TCF20: variants seen among roughly 807,000 people sequenced by gnomAD.
The protein encoded by TCF20 is SPRE-binding protein.
TCF20 carries 3 observed loss-of-function variants against 148.6 expected under a neutral mutation model. The observed-to-expected ratio is 0.02, with a 90% CI of 0.01 to 0.05. The LOEUF (loss-of-function observed/expected upper bound fraction) is 0.05. Among genes scored for constraint, TCF20 ranks in the 10% least tolerant of loss-of-function variants. The pLI is 1.00. For missense variants in TCF20, 2,350 were observed against 2,429.3 expected, an observed-to-expected ratio of 0.97 and a Z score of 0.69; for synonymous variants, 1,049 against 909.5, an observed-to-expected ratio of 1.15 and a Z score of -2.76.
intron 1 of TCF20, among the ~76,000 whole-genome samples, chr22:42,294,552 C>A (rs1927196358): frequency 6.6e-6 from 1 of 152,128 alleles, no homozygotes; most frequent in Non-Finnish European, 1.5e-5. Flanking sequence ...CGGGAGAGGG[C>A]AGGGCCAGGC....
intron 1 of TCF20, among the ~76,000 whole-genome samples, chr22:42,244,048 A>G (rs2041710740): frequency 6.6e-6 from 1 of 152,156 alleles, no homozygotes; most frequent in South Asian, 2.1e-4. Context: ...CTATAAAAAT[A>G]CAAAAATTAG....
chr22:42,163,773 G>A (rs895428499), intron 5 of TCF20, among the ~76,000 whole-genome samples: 7 of 152,180 alleles, frequency 4.6e-5, no homozygotes, highest in Non-Finnish European at 7.3e-5. Flanking sequence ...GCGACCTGCC[G>A]CCCCTGTGCT....
At chr22:42,219,387 T>G (rs1180142854) in intron 1 of TCF20, among the ~76,000 whole-genome samples, 1 of 67,412 alleles carries the variant, frequency 1.5e-5, no homozygotes, top group South Asian at 4.9e-4. Flanking sequence ...AAAAAGCTAA[T>G]AGAGATAATT....
chr22:42,301,191 G>A (rs941963548), intron 1 of TCF20, among the ~76,000 whole-genome samples: 1 of 152,204 alleles, frequency 6.6e-6, no homozygotes, highest in African/African-American at 2.4e-5. Flanking sequence ...CGGGCACTAG[G>A]GAGCCGTTGG....
intron 1 of TCF20, among the ~76,000 whole-genome samples, chr22:42,303,116 G>A (rs529629517): frequency 1.4e-4 from 22 of 152,312 alleles, no homozygotes; most frequent in Admixed American, 5.9e-4. Context: ...TTTTAGTAGC[G>A]ACGGGGTTTC....
intron 1 of TCF20, among the ~76,000 whole-genome samples, chr22:42,283,296 G>A (rs1030566812): frequency 1.1e-4 from 17 of 152,318 alleles, no homozygotes; most frequent in Non-Finnish European, 1.6e-4. Context: ...AATAGTGGAG[G>A]GGGGGAGAGG....
intron 1 of TCF20, among the ~76,000 whole-genome samples, chr22:42,335,916 G>A (rs1398498929): frequency 6.6e-6 from 1 of 152,160 alleles, no homozygotes; most frequent in Admixed American, 6.5e-5. Flanking sequence ...CACCTGTGGT[G>A]GGCAACCAAA....
rs1920969467 is a variant in TCF20, at chr22:42,211,632, T to C, written c.3674A>G (p.Glu1225Gly). ...ACCAGGTTTGGATGACTGTGTAGCC[T>C]CAGCTAGTCCATGTCCATCAGTCTC... ...PHETDGHGLAEATQSSKPGSV... is the reference protein window; with the variant it reads ...PHETDGHGLAGATQSSKPGSV... Residue 1225 changes from glutamate to glycine, a missense_variant, in exon 2 of 6, where the codon GAG becomes GGG. Coordinates refer to ENST00000677622, the MANE Select transcript of TCF20 (RefSeq NM_001378418.1). 1.2e-5 allele frequency: 19 copies of C among 1,614,106 alleles called. No individual in the cohort carries two copies. Among genetic ancestry groups the C allele is most frequent in the Non-Finnish European group, 1.5e-5 (18 of 1,180,042 alleles).
intron 1 of TCF20, among the ~76,000 whole-genome samples, chr22:42,302,843 G>A (rs1037679068): frequency 6.6e-5 from 10 of 152,318 alleles, no homozygotes; most frequent in South Asian, 6.2e-4. Context: ...CTGGGACCCC[G>A]TCAGGTTCAA....
intron 1 of TCF20, among the ~76,000 whole-genome samples, chr22:42,342,236 G>A (rs991552254): frequency 6.6e-6 from 1 of 152,166 alleles, no homozygotes; most frequent in Admixed American, 6.5e-5. Flanking sequence ...GACAGTCATG[G>A]ATGGGGAGGA....
intron 1 of TCF20, among the ~76,000 whole-genome samples, chr22:42,329,122 G>A (rs979903256): frequency 5.3e-5 from 8 of 152,234 alleles, no homozygotes; most frequent in Admixed American, 1.3e-4. Context: ...CGGGAGAGGC[G>A]GGTGGATCTG....
At chr22:42,244,833 A>G (rs1924771366) in intron 1 of TCF20, among the ~76,000 whole-genome samples, 1 of 152,142 alleles carries the variant, frequency 6.6e-6, no homozygotes, top group African/African-American at 2.4e-5. Context: ...TAATCCCAAC[A>G]CTTTGGGAGG....
intron 5 of TCF20, among the ~76,000 whole-genome samples, chr22:42,162,721 G>A (rs1037400843): frequency 2.0e-5 from 3 of 152,156 alleles, no homozygotes; most frequent in Non-Finnish European, 4.4e-5. Flanking sequence ...GCCCTCCCCT[G>A]ACAAACCCCA....
intron 1 of TCF20, among the ~76,000 whole-genome samples, chr22:42,224,844 A>G: frequency 6.6e-6 from 1 of 152,110 alleles, no homozygotes; most frequent in East Asian, 1.9e-4. Flanking sequence ...CTATGATTAT[A>G]ACTATCTGAA....
At chr22:42,171,563 C>T (rs1023030960) in intron 3 of TCF20, among the ~76,000 whole-genome samples, 1 of 152,200 alleles carries the variant, frequency 6.6e-6, no homozygotes, top group Non-Finnish European at 1.5e-5. Flanking sequence ...AAGAGCTCAG[C>T]AACTTACTAC....
intron 1 of TCF20, among the ~76,000 whole-genome samples, chr22:42,221,817 C>G (rs1013110701): frequency 2.8e-5 from 4 of 140,568 alleles, no homozygotes; most frequent in African/African-American, 1.1e-4. Flanking sequence ...CGGCTCACTG[C>G]AAGCTCCGCC....
intron 1 of TCF20, among the ~76,000 whole-genome samples, chr22:42,233,620 G>A (rs1798105220): frequency 6.6e-6 from 1 of 152,204 alleles, no homozygotes; most frequent in Non-Finnish European, 1.5e-5. Flanking sequence ...CCCACAGCGT[G>A]GGACCTTAGT....
chr22:42,335,671 G>A (rs1444413923), intron 1 of TCF20, among the ~76,000 whole-genome samples: 6 of 152,172 alleles, frequency 3.9e-5, no homozygotes, highest in Admixed American at 3.9e-4. Flanking sequence ...GCATAGCAGG[G>A]GCAGAGACCT....
At chr22:42,167,225 C>G (rs1471633654) in intron 5 of TCF20, among the ~76,000 whole-genome samples, 1 of 152,248 alleles carries the variant, frequency 6.6e-6, no homozygotes, top group Non-Finnish European at 1.5e-5. Flanking sequence ...AGGCACCACA[C>G]TCAACGCTCT....
Sources: allele counts gnomAD v4.1 joint callset (sites outside exome capture counted in the v4.1 genomes callset), GRCh38; gene constraint gnomAD v4.1.1; transcripts MANE v1.5; gene names NCBI Gene and HGNC (gene_info 2026-07-23, HGNC 2026-07-21).